PTPRD: variants seen among roughly 807,000 people sequenced by gnomAD.
PTPRD encodes the protein protein tyrosine phosphatase receptor type D, also known as receptor-type tyrosine-protein phosphatase delta.
Under a neutral mutation model 214.5 loss-of-function variants are expected in PTPRD, and 34 were observed. The observed-to-expected ratio is 0.16, with a 90% CI of 0.12 to 0.21. The LOEUF (loss-of-function observed/expected upper bound fraction) is 0.21. PTPRD is among the 10% of genes least tolerant of loss of function. The pLI, the probability that PTPRD is intolerant of heterozygous loss-of-function variation, is 1.00. For synonymous variants in PTPRD, 1,128 were observed against 845.7 expected (o/e 1.33, Z -5.79); for missense variants, 2,545 against 2,398.7 (o/e 1.06, Z -1.27).
At chr9:9,056,953 A>G (rs1055056815) in intron 10 of PTPRD, among the ~76,000 whole-genome samples, 4 of 152,152 alleles carry the variant, frequency 2.6e-5, no homozygotes, top group Admixed American at 2.0e-4. Context: ...AACTCTACCA[A>G]TTAGGAACTT....
At chr9:8,409,008 T>A (rs1214211062) in intron 35 of PTPRD, among the ~76,000 whole-genome samples, 1 of 152,214 alleles carries the variant, frequency 6.6e-6, no homozygotes, top group Non-Finnish European at 1.5e-5. Flanking sequence ...ACTAGAAGTT[T>A]ATCTCAAACT....
chr9:9,263,166 C>T (rs915545408), intron 9 of PTPRD, among the ~76,000 whole-genome samples: 3 of 151,616 alleles, frequency 2.0e-5, no homozygotes, highest in Admixed American at 1.3e-4. Context: ...ATCTTGTTTT[C>T]TTAAATGATC....
intron 5 of PTPRD, among the ~76,000 whole-genome samples, chr9:9,881,137 T>TA (rs971799339): frequency 6.6e-6 from 1 of 152,112 alleles, no homozygotes; most frequent in Non-Finnish European, 1.5e-5. Context: ...ATAATTTTTT[T>TA]AAAAAAATAA....
At chr9:9,709,457 T>C (rs1331641808) in intron 7 of PTPRD, among the ~76,000 whole-genome samples, 2 of 151,992 alleles carry the variant, frequency 1.3e-5, no homozygotes, top group Non-Finnish European at 2.9e-5. Context: ...TAGTAAACTA[T>C]AGACCTGAAC....
intron 4 of PTPRD, among the ~76,000 whole-genome samples, chr9:10,023,910 T>C (rs2096872277): frequency 6.6e-6 from 1 of 152,140 alleles, no homozygotes; most frequent in East Asian, 1.9e-4. Context: ...GTTTACAATA[T>C]AATGATTATG....
chr9:8,649,017 T>C (rs1423985190), intron 12 of PTPRD, among the ~76,000 whole-genome samples: 1 of 152,206 alleles, frequency 6.6e-6, no homozygotes, highest in Non-Finnish European at 1.5e-5. Flanking sequence ...ACAGGAAAGG[T>C]AACTGGCTTA....
intron 6 of PTPRD, among the ~76,000 whole-genome samples, chr9:9,760,087 T>C (rs1006484436): frequency 2.0e-5 from 3 of 152,190 alleles, no homozygotes; most frequent in Admixed American, 6.5e-5. Context: ...AAGTTTCTCA[T>C]AGTGTCTTGA....
chr9:8,461,704 C>G (rs2096408968), intron 32 of PTPRD, among the ~76,000 whole-genome samples: 1 of 151,648 alleles, frequency 6.6e-6, no homozygotes, highest in African/African-American at 2.4e-5. Context: ...ACTTTTATCT[C>G]TGGCTCTCTC....
chr9:9,089,873 T>C (rs995310131), intron 10 of PTPRD, among the ~76,000 whole-genome samples: 2 of 152,188 alleles, frequency 1.3e-5, no homozygotes, highest in Admixed American at 1.3e-4. Flanking sequence ...ATTTACTCCT[T>C]TCACTGTGTT....
chr9:8,969,724 G>T (rs2099224652), intron 11 of PTPRD, among the ~76,000 whole-genome samples: 1 of 151,856 alleles, frequency 6.6e-6, no homozygotes, highest in Non-Finnish European at 1.5e-5. Flanking sequence ...AAATAAAACT[G>T]ACCAATATTG....
At chr9:10,224,924 T>C (rs1224748773) in intron 3 of PTPRD, among the ~76,000 whole-genome samples, 1 of 152,220 alleles carries the variant, frequency 6.6e-6, no homozygotes, top group East Asian at 1.9e-4. Context: ...CAGTACATAA[T>C]ACAAATTACA....
At chr9:9,681,915 T>G (rs970980285) in intron 7 of PTPRD, among the ~76,000 whole-genome samples, 6 of 151,874 alleles carry the variant, frequency 4.0e-5, no homozygotes, top group African/African-American at 1.2e-4. Flanking sequence ...CATTTACATT[T>G]ATATAGAAGA....
At chr9:9,221,418 C>G (rs1227209542) in intron 9 of PTPRD, among the ~76,000 whole-genome samples, 2 of 152,016 alleles carry the variant, frequency 1.3e-5, no homozygotes, top group Non-Finnish European at 2.9e-5. Flanking sequence ...TTGGCTTGGG[C>G]TGCCACAACA....
At chr9:8,398,897 T>C (rs1009847622) in intron 36 of PTPRD, among the ~76,000 whole-genome samples, 3 of 152,130 alleles carry the variant, frequency 2.0e-5, no homozygotes, top group Non-Finnish European at 2.9e-5. Flanking sequence ...GCAGCACAAA[T>C]GGACTAAGAC....
chr9:10,341,192 G>A (rs1385472791), intron 2 of PTPRD, among the ~76,000 whole-genome samples, 175 bp from the exon 3 acceptor site: 1 of 151,898 alleles, frequency 6.6e-6, no homozygotes, highest in Non-Finnish European at 1.5e-5. Flanking sequence ...TTTCGGTATT[G>A]ATTTGTCCAT....
intron 7 of PTPRD, among the ~76,000 whole-genome samples, chr9:9,626,184 C>T (rs1217498569): frequency 6.6e-6 from 1 of 152,192 alleles, no homozygotes. Context: ...GCCCCACTCT[C>T]CACTAGACAG....
intron 3 of PTPRD, among the ~76,000 whole-genome samples, chr9:10,229,585 A>G (rs2154354970): frequency 6.6e-6 from 1 of 151,972 alleles, no homozygotes; most frequent in East Asian, 1.9e-4. Context: ...TATCAGTCTC[A>G]GCACACTATC....
chr9:10,125,622 T>TTGTGTGTGTGTGTGTG (rs35164422), intron 3 of PTPRD, among the ~76,000 whole-genome samples: 54 of 139,318 alleles, frequency 3.9e-4, no homozygotes, highest in African/African-American at 1.2e-3. Context: ...GCTCGGCTAA[T>TTGTGTGTGTGTGTGTG]TGTGTGTGTG....
chr9:9,541,284 G>T (rs1272190886), intron 8 of PTPRD, among the ~76,000 whole-genome samples: 1 of 151,690 alleles, frequency 6.6e-6, no homozygotes, highest in Non-Finnish European at 1.5e-5. Context: ...GACTTCAGTT[G>T]CCATGATATA....
Sources: allele counts gnomAD v4.1 joint callset (sites outside exome capture counted in the v4.1 genomes callset), GRCh38; gene constraint gnomAD v4.1.1; transcripts MANE v1.5; gene names NCBI Gene and HGNC (gene_info 2026-07-23, HGNC 2026-07-21).